Variants in MACROD2 observed in about 807,000 individuals in gnomAD.
MACROD2 encodes the protein mono-ADP ribosylhydrolase 2.
In MACROD2, 36 loss-of-function variants were observed where a neutral mutation model predicts 70.4. That is an observed-to-expected ratio of 0.51 (90% CI 0.39 to 0.68). The LOEUF is 0.68. MACROD2 is among the 30% of genes least tolerant of loss of function. The probability of loss-of-function intolerance (pLI) is 0.00; values close to 1 mark genes in which losing one functional copy is unlikely to be tolerated. For missense variants in MACROD2, 496 were observed against 538.4 expected (o/e 0.92, Z 0.78); for synonymous variants, 172 against 178.8 (o/e 0.96, Z 0.30).
intron 12 of MACROD2, among the ~76,000 whole-genome samples, chr20:15,945,545 T>C (rs1483113725): frequency 6.6e-6 from 1 of 152,244 alleles, no homozygotes; most frequent in Non-Finnish European, 1.5e-5. Flanking sequence ...AAATGTGAGT[T>C]CTGCTTTCAG....
At chr20:14,111,684 G>T (rs1317461048) in intron 3 of MACROD2, among the ~76,000 whole-genome samples, 1 of 151,950 alleles carries the variant, frequency 6.6e-6, no homozygotes, top group African/African-American at 2.4e-5. Context: ...AGTTAAAATG[G>T]CTTATATCCA....
At chr20:15,908,777 C>A (rs2065187422) in intron 10 of MACROD2, among the ~76,000 whole-genome samples, 1 of 152,154 alleles carries the variant, frequency 6.6e-6, no homozygotes, top group African/African-American at 2.4e-5. Flanking sequence ...ACTGGCATTG[C>A]ATGGGATTTT....
intron 5 of MACROD2, among the ~76,000 whole-genome samples, chr20:15,026,486 A>T (rs1231727674): frequency 6.6e-6 from 1 of 150,934 alleles, no homozygotes; most frequent in Admixed American, 6.6e-5. Flanking sequence ...TTGTGTTTGT[A>T]AATGATATAA....
chr20:14,409,064 T>A (rs1260496561), intron 3 of MACROD2, among the ~76,000 whole-genome samples: 1 of 152,122 alleles, frequency 6.6e-6, no homozygotes, highest in Non-Finnish European at 1.5e-5. Context: ...TGAACCTGTT[T>A]TTGTCTCCTG....
intron 3 of MACROD2, among the ~76,000 whole-genome samples, chr20:14,091,011 T>C (rs1039861007): frequency 6.6e-6 from 1 of 152,224 alleles, no homozygotes; most frequent in African/African-American, 2.4e-5. Flanking sequence ...CTGAGCATTT[T>C]TTTTCATGTA....
At chr20:14,636,790 CTTGTA>C (rs1210419055) in intron 4 of MACROD2, among the ~76,000 whole-genome samples, 1 of 146,722 alleles carries the variant, frequency 6.8e-6, no homozygotes, top group Non-Finnish European at 1.5e-5. Flanking sequence ...GGGACTGTGC[CTTGTA>C]TCCAAGATAG....
intron 3 of MACROD2, among the ~76,000 whole-genome samples, chr20:14,432,731 C>T (rs2084008882): frequency 6.6e-6 from 1 of 152,024 alleles, no homozygotes; most frequent in Non-Finnish European, 1.5e-5. Context: ...TCAATGTGAG[C>T]TCCTTTGTTC....
intron 5 of MACROD2, among the ~76,000 whole-genome samples, chr20:15,091,422 TA>T (rs200945353): frequency 1.3e-3 from 196 of 152,052 alleles, no homozygotes; most frequent in Non-Finnish European, 2.1e-3. Context: ...TGAATGAAAA[TA>T]TTTTTTTTTT....
At chr20:15,465,247 T>C (rs564926785) in intron 7 of MACROD2, among the ~76,000 whole-genome samples, 1 of 152,248 alleles carries the variant, frequency 6.6e-6, no homozygotes, top group Non-Finnish European at 1.5e-5. Context: ...GTATAAATGC[T>C]ATTTTTTTAT....
At chr20:14,270,982 A>AGCCAGTTCTAACTG (rs1289966264) in intron 3 of MACROD2, among the ~76,000 whole-genome samples, 6 of 152,242 alleles carry the variant, frequency 3.9e-5, no homozygotes, top group African/African-American at 1.4e-4. Context: ...TAAACAAAGC[A>AGCCAGTTCTAACTG]GCCAGGAAGT....
chr20:15,846,096 A>G (rs1029651254), intron 8 of MACROD2, among the ~76,000 whole-genome samples: 2 of 152,226 alleles, frequency 1.3e-5, no homozygotes, highest in African/African-American at 4.8e-5. Flanking sequence ...AACACTTTTT[A>G]TCCTAACATA....
chr20:14,447,911 T>C (rs1411108262), intron 3 of MACROD2, among the ~76,000 whole-genome samples: 1 of 150,960 alleles, frequency 6.6e-6, no homozygotes, highest in East Asian at 2.0e-4. Context: ...TTAGAATGAA[T>C]AGTCCATGTC....
At chr20:14,402,452 C>A (rs543834239) in intron 3 of MACROD2, among the ~76,000 whole-genome samples, 18 of 152,088 alleles carry the variant, frequency 1.2e-4, no homozygotes, top group Non-Finnish European at 1.6e-4. Flanking sequence ...GCATTTTATG[C>A]CAGTGGTGGT....
intron 2 of MACROD2, among the ~76,000 whole-genome samples, chr20:14,037,649 G>T (rs2148637288): frequency 6.6e-6 from 1 of 152,250 alleles, no homozygotes; most frequent in South Asian, 2.1e-4. Flanking sequence ...GTTGGTGGGG[G>T]GGGTAGTTAG....
chr20:14,228,880 G>C (rs1361082047), intron 3 of MACROD2, among the ~76,000 whole-genome samples: 4 of 150,724 alleles, frequency 2.7e-5, no homozygotes, highest in Non-Finnish European at 4.4e-5. Context: ...GGTGGCACAC[G>C]CCCATAATCC....
intron 6 of MACROD2, among the ~76,000 whole-genome samples, chr20:15,321,002 G>C (rs1271286812): frequency 1.3e-5 from 2 of 152,196 alleles, no homozygotes; most frequent in African/African-American, 4.8e-5. Context: ...GAAGCTTCTT[G>C]TTCAGTTTGT....
At chr20:15,032,306 G>A (rs1054133175) in intron 5 of MACROD2, among the ~76,000 whole-genome samples, 1 of 152,212 alleles carries the variant, frequency 6.6e-6, no homozygotes, top group African/African-American at 2.4e-5. Flanking sequence ...TAGGGAGTGG[G>A]CCTCTGGCCT....
intron 5 of MACROD2, among the ~76,000 whole-genome samples, chr20:14,883,667 A>G (rs2073637122): frequency 6.6e-6 from 1 of 152,128 alleles, no homozygotes; most frequent in Non-Finnish European, 1.5e-5. Flanking sequence ...TGCATCTGTC[A>G]CATGCATATA....
At chr20:14,167,629 A>T (rs1008407747) in intron 3 of MACROD2, among the ~76,000 whole-genome samples, 14 of 151,850 alleles carry the variant, frequency 9.2e-5, no homozygotes, top group African/African-American at 2.7e-4. Flanking sequence ...ACCTCAGGTG[A>T]TCCACCCACC....
Sources: gnomAD v4.1 joint callset for allele counts (sites outside exome capture counted in the v4.1 genomes callset) on GRCh38, gnomAD v4.1.1 for gene constraint, MANE v1.5 for transcripts, NCBI Gene and HGNC (gene_info 2026-07-23, HGNC 2026-07-21) for gene names.